Variants in RAD51AP2 observed in about 807,000 individuals in gnomAD.
RAD51AP2 encodes the protein RAD51-associated protein 2.
RAD51AP2 carries 67 observed loss-of-function variants against 85.5 expected under a neutral mutation model. That is an observed-to-expected ratio of 0.78 (90% CI 0.64 to 0.96). RAD51AP2 has a LOEUF of 0.96. Among genes scored for constraint, RAD51AP2 ranks in the 40% least tolerant of loss-of-function variants. The probability of loss-of-function intolerance (pLI) is 0.00; values close to 1 mark genes in which losing one functional copy is unlikely to be tolerated. For missense variants in RAD51AP2, 1,307 were observed against 1,332.4 expected, an observed-to-expected ratio of 0.98 and a Z score of 0.30; for synonymous variants, 474 against 446.5, an observed-to-expected ratio of 1.06 and a Z score of -0.78.
At chr2:17,533,400 T>A in the RAD51AP2 span, among the ~76,000 whole-genome samples, 1 of 152,258 alleles carries the variant, frequency 6.6e-6, no homozygotes, top group Non-Finnish European at 1.5e-5. Context: ...ATCTTATGAT[T>A]GCATTTGACT....
In RAD51AP2 at chr2:17,516,342, T is replaced by C; in HGVS notation, c.2074A>G (p.Met692Val). Residue 692 changes from methionine (M) to valine (V), a missense_variant, in exon 1 of 3, where the codon ATG becomes GTG. Around this residue, in one of 3 missense-constraint regions of RAD51AP2, gnomAD observed 668 missense variants for 671.0 expected, o/e 1.00. Coordinates refer to ENST00000399080, the MANE Select transcript of RAD51AP2 (RefSeq NM_001099218.3). ...FETYEKIPLLMDFDDMDEISL... is the reference protein window; with the variant it reads ...FETYEKIPLLVDFDDMDEISL... ...ATTTCATCCATGTCATCAAAGTCCA[T>C]TAAAAGGGGAATTTTTTCATATGTT... The C allele has an allele frequency of 6.2e-7, 1 of 1,611,914 alleles. No homozygotes were observed. Among genetic ancestry groups the C allele is most frequent in the Non-Finnish European group, 8.5e-7 (1 of 1,179,290 alleles).
the RAD51AP2 span, among the ~76,000 whole-genome samples, chr2:17,523,483 C>T: frequency 6.6e-6 from 1 of 151,816 alleles, no homozygotes; most frequent in African/African-American, 2.4e-5. Flanking sequence ...CAAACTCTGT[C>T]TTATGTTTCA....
In RAD51AP2 at chr2:17,517,036, C is replaced by T. The variant is rs137892860; in HGVS notation, c.1380G>A (p.Lys460=). 355 of 1,608,318 alleles carry T rather than the reference C, an allele frequency of 2.2e-4. 2 individuals carry two copies. The East Asian group carries it at 7.7e-3, about 35-fold the overall frequency. ...KVINAYEEQS[K]LLVREILGSQ... The stretch of plus-strand genomic sequence containing the variant: ...TACCTAATATTTCTCTTACGAGAAG[C>T]TTTGATTGTTCTTCATATGCATTGA... Residue 460 remains lysine, a synonymous_variant, in exon 1 of 3, where the codon AAG becomes AAA. Transcript: ENST00000399080.
the RAD51AP2 span, among the ~76,000 whole-genome samples, chr2:17,529,199 A>G: frequency 6.6e-6 from 1 of 151,812 alleles, no homozygotes; most frequent in Non-Finnish European, 1.5e-5. Context: ...GGACATGTCA[A>G]CTTTCCTCTG....
chr2:17,511,020 C>A, intron 2 of RAD51AP2, 65 bp from the exon 3 acceptor site: 2 of 1,144,698 alleles, frequency 1.7e-6, no homozygotes, highest in Non-Finnish European at 2.4e-6. Context: ...ATCTTTACTT[C>A]TAATCATGAT....
chr2:17,517,345 C>A lies in RAD51AP2; in HGVS notation c.1071G>T (p.Gln357His). The A allele has an allele frequency of 6.2e-7, 1 of 1,613,840 alleles. No individual in the cohort carries two copies. The highest frequency in any genetic ancestry group is 8.5e-7 in the Non-Finnish European group (1 of 1,179,936). ...TCTTTCTAGAGTCTCTTACATTACACTGGATACTACTGCAGTTACAGTAGT... is the reference window on the plus strand; with the variant it reads ...TCTTTCTAGAGTCTCTTACATTACAATGGATACTACTGCAGTTACAGTAGT... ...SSNYCNCSSI[Q>H]CNVRDSRKNF... Residue 357 changes from glutamine (Q) to histidine (H), a missense_variant, in exon 1 of 3, where the codon CAG (glutamine) becomes CAT (histidine). Physicochemically the swap from Gln to His is conservative, Grantham distance 24. Around this residue, in one of 3 missense-constraint regions of RAD51AP2, gnomAD observed 635 missense variants for 643.6 expected, o/e 0.99. Transcript: ENST00000399080.
upstream of RAD51AP2, among the ~76,000 whole-genome samples, chr2:17,523,070 T>G (rs778204192): frequency 3.3e-5 from 5 of 151,962 alleles, no homozygotes; most frequent in East Asian, 1.9e-4. Context: ...TATGAGCAAA[T>G]TATTTAGTTT....
the RAD51AP2 span, among the ~76,000 whole-genome samples, chr2:17,528,911 C>T: frequency 1.3e-5 from 2 of 152,098 alleles, no homozygotes; most frequent in Non-Finnish European, 2.9e-5. Context: ...AGGACCAGTA[C>T]CTAAGAAAGA....
At chr2:17,535,935 C>CAAA in the RAD51AP2 span, among the ~76,000 whole-genome samples, 91 of 57,090 alleles carry the variant, frequency 1.6e-3, no homozygotes, top group East Asian at 2.2e-3. Context: ...GTAAGAACAC[C>CAAA]AAAAAAAAAA....
chr2:17,516,137 C>T lies in RAD51AP2; in HGVS notation c.2279G>A (p.Ser760Asn), dbSNP rs76177128. 4.3e-6 allele frequency: 7 copies of T among 1,612,426 alleles called. No homozygotes were observed. The Admixed American group carries it at 8.4e-5, about 19-fold the overall frequency. The change falls in exon 1 of 3, where the codon AGC (serine) becomes AAC (asparagine). Residue 760 changes from serine to asparagine, a missense_variant. Physicochemically the swap from Ser to Asn is conservative, Grantham distance 46. Around this residue, in one of 3 missense-constraint regions of RAD51AP2, gnomAD observed 668 missense variants for 671.0 expected, o/e 1.00. Coordinates refer to ENST00000399080, the MANE Select transcript of RAD51AP2 (RefSeq NM_001099218.3). ...NENFYEVNMH[S>N]QDLNMERKQG... The stretch of plus-strand genomic sequence containing the variant: ...TTTTCTTTCCATATTTAAATCTTGG[C>T]TGTGCATATTTACTTCATAAAAATT...
chr2:17,517,307 A>G lies in RAD51AP2; in HGVS notation c.1109T>C (p.Leu370Pro). ...VRDSRKNFAI[L>P]ENANWEEAEC... Reference sequence around the variant, plus strand: ...TGCTTCCTCCCAATTTGCATTTTCTAGTATAGCGAAATTCTTTCTAGAGTC... The same window carrying G: ...TGCTTCCTCCCAATTTGCATTTTCTGGTATAGCGAAATTCTTTCTAGAGTC... Residue 370 changes from leucine to proline, a missense_variant, in exon 1 of 3, where the codon CTA (leucine) becomes CCA (proline). Around this residue, in one of 3 missense-constraint regions of RAD51AP2, gnomAD observed 635 missense variants for 643.6 expected, o/e 0.99. Transcript: ENST00000399080. 1 of 1,614,018 alleles carries G rather than the reference A, an allele frequency of 6.2e-7. No homozygotes were observed. The highest frequency in any genetic ancestry group is 8.5e-7 in the Non-Finnish European group (1 of 1,179,956).
rs1425825199 is a variant in RAD51AP2 at position 17,516,754 on chromosome 2, G to A, written c.1662C>T (p.Asn554=). The part of the protein sequence containing the change: ...IIGIQNLITR[N]MNTNIKNGIL... Reference sequence around the variant, plus strand: ...TTCCATTCTTTATATTTGTATTCATGTTTCTGGTTATTAGATTTTGAATAC... The same window carrying A: ...TTCCATTCTTTATATTTGTATTCATATTTCTGGTTATTAGATTTTGAATAC... Residue 554 remains asparagine, a synonymous_variant, in exon 1 of 3, where the codon AAC becomes AAT. Transcript: ENST00000399080. 1.0e-5 allele frequency: 16 copies of A among 1,567,574 alleles called. No homozygotes were observed. Among genetic ancestry groups the A allele is most frequent in the Non-Finnish European group, 1.3e-5 (15 of 1,152,004 alleles).
chr2:17,514,357 G>A lies in RAD51AP2; in HGVS notation c.3248-265C>T, dbSNP rs534688427. Among the ~76,000 whole-genome samples the A allele has an allele frequency of 4.6e-5, 7 of 152,282 alleles. No homozygotes were observed. The South Asian group carries it at 1.4e-3, about 32-fold the overall frequency. On this transcript the variant is annotated intron_variant, in intron 1 of 2. Transcript: ENST00000399080. Reference sequence around the variant, plus strand: ...TGAGAAATTCAAATTTCAAGGTGAAGCTGTGTCAAAGTTCAAGGTGAAGCT... The same window carrying A: ...TGAGAAATTCAAATTTCAAGGTGAAACTGTGTCAAAGTTCAAGGTGAAGCT...
chr2:17,527,174 G>A, the RAD51AP2 span, among the ~76,000 whole-genome samples: 1 of 152,032 alleles, frequency 6.6e-6, no homozygotes, highest in Non-Finnish European at 1.5e-5. Context: ...TGTTCATTTT[G>A]TGATAATTCA....
chr2:17,530,176 A>G, the RAD51AP2 span, among the ~76,000 whole-genome samples: 2 of 152,188 alleles, frequency 1.3e-5, no homozygotes, highest in Admixed American at 1.3e-4. Flanking sequence ...GCTTATTCAT[A>G]CTATTTGAAT....
chr2:17,529,386 T>G, the RAD51AP2 span, among the ~76,000 whole-genome samples: 23 of 152,130 alleles, frequency 1.5e-4, no homozygotes, highest in Non-Finnish European at 3.1e-4. Context: ...AATAAAATTA[T>G]CAAGTTATAA....
the RAD51AP2 span, among the ~76,000 whole-genome samples, chr2:17,525,703 T>C: frequency 6.6e-6 from 1 of 152,048 alleles, no homozygotes; most frequent in Non-Finnish European, 1.5e-5. Context: ...AACTGTAGTT[T>C]CATATCAACT....
At position 17,515,340 on chromosome 2, in the gene RAD51AP2, G is replaced by T; in HGVS notation, c.3076C>A (p.Arg1026Ser). The T allele has an allele frequency of 6.2e-7, 1 of 1,612,128 alleles. No homozygotes were observed. Among genetic ancestry groups the T allele is most frequent in the Non-Finnish European group, 8.5e-7 (1 of 1,179,364 alleles). ...DLKMVVVNKI[R>S]ASSSFHDTIA... ...GTATCATGGAACGAGGAAGATGCAC[G>T]TATTTTGTTGACCACAACCATTTTC... is the stretch of plus-strand genomic sequence containing the variant. The change falls in exon 1 of 3, where the codon CGT (arginine) becomes AGT (serine). Residue 1026 changes from arginine to serine, a missense_variant. Coordinates refer to ENST00000399080, the MANE Select transcript of RAD51AP2 (RefSeq NM_001099218.3).
chr2:17,517,953 C>T lies in RAD51AP2; in HGVS notation c.463G>A (p.Val155Ile). Residue 155 changes from valine to isoleucine, a missense_variant, in exon 1 of 3, where the codon GTT becomes ATT. This residue lies in a region of RAD51AP2 where 635 missense variants were observed against 643.6 expected (regional missense o/e 0.99). Transcript: ENST00000399080. The stretch of plus-strand genomic sequence containing the variant: ...GAGGTGCTGGGCAGAAGTTGACTAA[C>T]CCCTGCTTTGGAGCTATTACTGCGG... ...VHRSNSSKAG[V>I]SQLLPSTSIH... 6.2e-7 allele frequency: 1 copy of T among 1,614,178 alleles called. No homozygotes were observed. Among genetic ancestry groups the T allele is most frequent in the East Asian group, 2.2e-5 (1 of 44,886 alleles).
Sources: allele counts gnomAD v4.1 joint callset (sites outside exome capture counted in the v4.1 genomes callset), GRCh38; gene constraint gnomAD v4.1.1; regional missense constraint gnomAD v4.1.1; transcripts MANE v1.5; gene names NCBI Gene and HGNC (gene_info 2026-07-23, HGNC 2026-07-21).